The following ZNF804B variants were observed in gnomAD, a reference collection of about 807,000 sequenced individuals.
ZNF804B encodes zinc finger 804B.
In ZNF804B, 80 loss-of-function variants were observed where a neutral mutation model predicts 101.4. The ratio of observed to expected loss-of-function variants is 0.79; its 90% CI spans 0.66 to 0.95. The LOEUF (loss-of-function observed/expected upper bound fraction) is 0.95, where lower values mean the gene tolerates loss of function less well. Ranked by LOEUF, ZNF804B falls within the 40% of genes least tolerant of loss-of-function variation. ZNF804B has a pLI of 0.00. For synonymous variants in ZNF804B, 622 were observed against 558.8 expected (o/e 1.11, Z -1.59); for missense variants, 1,673 against 1,561.9 (o/e 1.07, Z -1.20).
intron 1 of ZNF804B, among the ~76,000 whole-genome samples, chr7:89,212,188 G>A (rs1243636108): frequency 1.3e-5 from 2 of 151,218 alleles, no homozygotes; most frequent in Non-Finnish European, 2.9e-5. Flanking sequence ...AATTTGCTTT[G>A]TAGACTCAGG....
At chr7:88,992,939 G>T (rs1793867100) in intron 1 of ZNF804B, among the ~76,000 whole-genome samples, 1 of 151,554 alleles carries the variant, frequency 6.6e-6, no homozygotes, top group Non-Finnish European at 1.5e-5. Context: ...TTGAATTTAT[G>T]CTTTTTTAAC....
chr7:88,891,812 C>T (rs1792219345), intron 1 of ZNF804B, among the ~76,000 whole-genome samples: 1 of 151,912 alleles, frequency 6.6e-6, no homozygotes, highest in Non-Finnish European at 1.5e-5. Flanking sequence ...CATATGTATA[C>T]ATGTGCCATG....
chr7:89,172,335 G>A (rs1791249693), intron 1 of ZNF804B, among the ~76,000 whole-genome samples: 1 of 152,156 alleles, frequency 6.6e-6, no homozygotes, highest in African/African-American at 2.4e-5. Context: ...GTGAGAAAAT[G>A]ACAGCAGTTA....
intron 1 of ZNF804B, among the ~76,000 whole-genome samples, chr7:88,932,836 A>G (rs1026556515): frequency 1.3e-5 from 2 of 151,732 alleles, no homozygotes; most frequent in South Asian, 2.1e-4. Flanking sequence ...AATTCTTTGA[A>G]TTCTTCTTTT....
intron 1 of ZNF804B, chr7:88,794,909 T>G (rs1419628935): frequency 5.0e-6 from 8 of 1,605,022 alleles, no homozygotes; most frequent in Non-Finnish European, 6.8e-6. Context: ...AAAGGCCTTT[T>G]GCTGCCCTTC....
At chr7:88,839,070 A>G (rs1165355616) in intron 1 of ZNF804B, among the ~76,000 whole-genome samples, 1 of 151,984 alleles carries the variant, frequency 6.6e-6, no homozygotes, top group Non-Finnish European at 1.5e-5. Flanking sequence ...ACAACTCTCA[A>G]TTTGTTAGCT....
chr7:89,082,470 A>G (rs1248494157), intron 1 of ZNF804B, among the ~76,000 whole-genome samples: 1 of 151,622 alleles, frequency 6.6e-6, no homozygotes, highest in Non-Finnish European at 1.5e-5. Flanking sequence ...TTCCATTTAA[A>G]TCCAAAATTC....
At chr7:88,959,857 C>A (rs1017557390) in intron 1 of ZNF804B, among the ~76,000 whole-genome samples, 10 of 151,496 alleles carry the variant, frequency 6.6e-5, no homozygotes, top group Middle Eastern at 3.4e-3. Context: ...CAGGGGAAAC[C>A]TTTTACAGGT....
chr7:89,229,723 ATATC>A (rs1355893514), intron 2 of ZNF804B, among the ~76,000 whole-genome samples: 73 of 152,338 alleles, frequency 4.8e-4, no homozygotes, highest in African/African-American at 1.7e-3. Flanking sequence ...GATCTAACTT[ATATC>A]TATAGAATAC....
At chr7:88,766,517 T>G (rs1789986006) in intron 1 of ZNF804B, among the ~76,000 whole-genome samples, 1 of 152,138 alleles carries the variant, frequency 6.6e-6, no homozygotes, top group Admixed American at 6.5e-5. Context: ...GATAACCATA[T>G]AGTTGAATCA....
intron 1 of ZNF804B, among the ~76,000 whole-genome samples, chr7:89,028,630 G>A (rs1197353664): frequency 6.6e-6 from 1 of 152,022 alleles, no homozygotes; most frequent in Non-Finnish European, 1.5e-5. Context: ...CATCGAGCAG[G>A]GCATGCCATA....
intron 1 of ZNF804B, among the ~76,000 whole-genome samples, chr7:88,972,760 A>G (rs935503524): frequency 2.0e-5 from 3 of 151,336 alleles, no homozygotes; most frequent in African/African-American, 4.8e-5. Flanking sequence ...AAAAAAAACC[A>G]GAACTCCAAG....
At chr7:88,772,055 G>C (rs2115633927) in intron 1 of ZNF804B, among the ~76,000 whole-genome samples, 1 of 152,270 alleles carries the variant, frequency 6.6e-6, no homozygotes, top group South Asian at 2.1e-4. Flanking sequence ...TTGCCAAGAA[G>C]ATTGTAGATA....
At chr7:89,084,630 T>C (rs1789761105) in intron 1 of ZNF804B, among the ~76,000 whole-genome samples, 1 of 151,964 alleles carries the variant, frequency 6.6e-6, no homozygotes. Flanking sequence ...TAGATTTTTG[T>C]ATCAACAAGG....
At chr7:88,904,697 T>G (rs1183667370) in intron 1 of ZNF804B, among the ~76,000 whole-genome samples, 1 of 152,180 alleles carries the variant, frequency 6.6e-6, no homozygotes, top group African/African-American at 2.4e-5. Flanking sequence ...AGGTATTTTA[T>G]TTTACTTTTT....
intron 1 of ZNF804B, among the ~76,000 whole-genome samples, chr7:88,829,254 A>C (rs941871838): frequency 6.6e-6 from 1 of 151,998 alleles, no homozygotes; most frequent in Non-Finnish European, 1.5e-5. Context: ...CTGCACCTGA[A>C]CATTTTTAAT....
At chr7:89,194,304 C>T (rs977655425) in intron 1 of ZNF804B, among the ~76,000 whole-genome samples, 1 of 151,982 alleles carries the variant, frequency 6.6e-6, no homozygotes, top group African/African-American at 2.4e-5. Context: ...TGTGCAGAAG[C>T]TCTTTAGTTT....
intron 1 of ZNF804B, among the ~76,000 whole-genome samples, chr7:88,952,861 C>A (rs1292483328): frequency 6.6e-6 from 1 of 151,790 alleles, no homozygotes; most frequent in African/African-American, 2.4e-5. Flanking sequence ...GTCCACCTCA[C>A]ACATTGAATG....
chr7:88,962,294 T>A (rs749929185), intron 1 of ZNF804B, among the ~76,000 whole-genome samples: 2 of 151,286 alleles, frequency 1.3e-5, no homozygotes, highest in Non-Finnish European at 3.0e-5. Flanking sequence ...CCACTCAGGA[T>A]ACCATCTAAT....
Sources: allele counts gnomAD v4.1 joint callset (sites outside exome capture counted in the v4.1 genomes callset), GRCh38; gene constraint gnomAD v4.1.1; transcripts MANE v1.5; gene names NCBI Gene and HGNC (gene_info 2026-07-23, HGNC 2026-07-21).